The following PTDSS1 variants were observed in gnomAD, a reference collection of about 807,000 sequenced individuals.
The protein encoded by PTDSS1 is PSS-1.
PTDSS1 carries 45 observed loss-of-function variants against 70.5 expected under a neutral mutation model. The ratio of observed to expected loss-of-function variants is 0.64; its 90% confidence interval spans 0.50 to 0.82. The LOEUF is 0.82. Among genes scored for constraint, PTDSS1 ranks in the 40% least tolerant of loss-of-function variants. The probability of loss-of-function intolerance (pLI) is 0.00; values close to 1 mark genes in which losing one functional copy is unlikely to be tolerated. For synonymous variants in PTDSS1, 188 were observed against 203.8 expected (o/e 0.92, Z 0.66); for missense variants, 417 against 586.1 (o/e 0.71, Z 2.98).
rs201637402 is a variant in PTDSS1, at chr8:96,284,169, C to T, written c.316+16C>T. On this transcript the variant is annotated intron_variant, in intron 3 of 12. Coordinates refer to ENST00000517309, the MANE Select transcript of PTDSS1 (RefSeq NM_014754.3). ...ATGGTTTTTGGTGAGTTTATATTAG[C>T]AATGTAAAAGGATGTTCTATTTTTT... 7 of 1,589,520 alleles carry T rather than the reference C, an allele frequency of 4.4e-6. No homozygotes were observed. Among genetic ancestry groups the T allele is most frequent in the African/African-American group, 4.0e-5 (3 of 74,152 alleles).
chr8:96,280,186 G>T (rs1810714871), intron 2 of PTDSS1, among the ~76,000 whole-genome samples: 1 of 152,122 alleles, frequency 6.6e-6, no homozygotes, highest in African/African-American at 2.4e-5. Flanking sequence ...TTGGTTTCTA[G>T]TTCTTTTGAA....
At chr8:96,286,983 G>A in intron 3 of PTDSS1, 39 bp from the exon 4 acceptor site, 1 of 1,611,494 alleles carries the variant, frequency 6.2e-7, no homozygotes, top group African/African-American at 1.3e-5. Context: ...CTGACTATTG[G>A]ATCTCTTCTA....
Position 96,262,127 on chromosome 8 carries a change from G to C in PTDSS1, c.87G>C (p.Val29=), listed in dbSNP as rs758963158. The change falls in exon 1 of 13, where the codon GTG becomes GTC. Residue 29 remains valine, a synonymous_variant. Transcript: ENST00000517309. The surrounding 1 kb of genome is among the most constrained non-coding windows in gnomAD (Gnocchi z 4.4). ...MHFRMINEQQ[V]EDITIDFFYR... ...TCCGGATGATCAACGAGCAGCAAGT[G>C]GAGGACATCACCATTGACTTCTTCT... 2 of 1,613,956 alleles carry C rather than the reference G, an allele frequency of 1.2e-6. No homozygotes were observed. The highest frequency in any genetic ancestry group is 2.2e-5 in the South Asian group (2 of 91,082).
Position 96,286,351 on chromosome 8 carries a change from C to T in PTDSS1, c.317-671C>T, listed in dbSNP as rs570382615. Reference sequence around the variant, plus strand: ...GTTAACATTTCTTTTTAAAATGACACATAGTGATTATTAGGATAGCAATTA... The same window carrying T: ...GTTAACATTTCTTTTTAAAATGACATATAGTGATTATTAGGATAGCAATTA... On this transcript the variant is annotated intron_variant, in intron 3 of 12. Transcript: ENST00000517309. 2.0e-5 allele frequency among the ~76,000 whole-genome samples: 3 copies of T among 152,256 alleles called. No homozygotes were observed. The East Asian group carries it at 5.8e-4, about 29-fold the overall frequency.
chr8:96,297,530 A>G (rs1237415469), intron 5 of PTDSS1, among the ~76,000 whole-genome samples: 1 of 152,160 alleles, frequency 6.6e-6, no homozygotes, highest in Non-Finnish European at 1.5e-5. Context: ...ACGAGGCTCC[A>G]GGTTCACCGG....
chr8:96,333,431 C>T (rs1274496664), intron 12 of PTDSS1, 26 bp from the exon 13 acceptor site: 8 of 1,580,442 alleles, frequency 5.1e-6, no homozygotes, highest in Admixed American at 1.7e-5. Context: ...CCCAGGGTGA[C>T]GGTGTGCTCT....
intron 10 of PTDSS1, among the ~76,000 whole-genome samples, chr8:96,325,842 A>C (rs73698571): frequency 6.0e-4 from 92 of 152,340 alleles, no homozygotes; most frequent in African/African-American, 2.1e-3. Context: ...TGGGGATCAG[A>C]GTAGCATCTT....
In PTDSS1 at chr8:96,262,335, C is replaced by A; in HGVS notation, c.179+116C>A. 1 of 1,310,378 alleles carries A rather than the reference C, an allele frequency of 7.6e-7. No individual in the cohort carries two copies. The highest frequency in any genetic ancestry group is 1.0e-6 in the Non-Finnish European group (1 of 972,498). 81.2% of individuals were successfully genotyped at this position (1,310,378 alleles called of 1,614,324 possible). A position where few individuals can be genotyped will look rare whatever the true frequency, so the allele number is the denominator to read the frequency against. Reference sequence around the variant, plus strand: ...TGGGTGAGGAAGTGGGCTGGCTGCTCCACGCACACGCACTGGCAGCCCGCC... The same window carrying A: ...TGGGTGAGGAAGTGGGCTGGCTGCTACACGCACACGCACTGGCAGCCCGCC... On this transcript the variant is annotated intron_variant, in intron 1 of 12. Transcript: ENST00000517309. The surrounding 1 kb of genome is among the most constrained non-coding windows in gnomAD (Gnocchi z 4.4).
chr8:96,287,912 C>T (rs1287002866), intron 4 of PTDSS1, among the ~76,000 whole-genome samples: 1 of 152,144 alleles, frequency 6.6e-6, no homozygotes, highest in Non-Finnish European at 1.5e-5. Flanking sequence ...CTCTAACTTT[C>T]CTGACACCTG....
intron 4 of PTDSS1, among the ~76,000 whole-genome samples, chr8:96,289,756 A>G (rs920846063): frequency 4.6e-5 from 7 of 152,216 alleles, no homozygotes; most frequent in Non-Finnish European, 1.0e-4. Flanking sequence ...CCATGGTGAC[A>G]TTGGTCAAAT....
chr8:96,274,051 C>A (rs1339080175), intron 2 of PTDSS1, among the ~76,000 whole-genome samples: 1 of 152,116 alleles, frequency 6.6e-6, no homozygotes, highest in Non-Finnish European at 1.5e-5. Flanking sequence ...GTTTTCTTTT[C>A]TCTTATTCCC....
chr8:96,312,862 C>T (rs555132661), intron 9 of PTDSS1, among the ~76,000 whole-genome samples: 1 of 152,194 alleles, frequency 6.6e-6, no homozygotes, highest in Non-Finnish European at 1.5e-5. Context: ...CCAGCTCTAC[C>T]TCCCTGCCAT....
At chr8:96,332,271 G>T (rs62514610) in intron 12 of PTDSS1, among the ~76,000 whole-genome samples, 1 of 152,132 alleles carries the variant, frequency 6.6e-6, no homozygotes, top group Non-Finnish European at 1.5e-5. Flanking sequence ...GTAATTCCTC[G>T]TCAATCCTTA....
rs1214774007 is a variant in PTDSS1, at chr8:96,262,544, C to T, written c.179+325C>T. Reference sequence around the variant, plus strand: ...TCCACACAACATCACGACGCGGGCCCCTCCTCTGCACTGCTCCAGCCTTCG... The same window carrying T: ...TCCACACAACATCACGACGCGGGCCTCTCCTCTGCACTGCTCCAGCCTTCG... On this transcript the variant is annotated intron_variant, in intron 1 of 12. Coordinates refer to ENST00000517309, the MANE Select transcript of PTDSS1 (RefSeq NM_014754.3). This position sits in a 1 kb window ranked among gnomAD's most constrained non-coding sequence, Gnocchi z 4.4. Among the ~76,000 whole-genome samples the T allele has an allele frequency of 6.6e-6, 1 of 152,168 alleles. No individual in the cohort carries two copies. The highest frequency in any genetic ancestry group is 1.9e-4 in the East Asian group (1 of 5,190).
rs145464694 is a variant in PTDSS1 at position 96,316,733 on chromosome 8, C to G, written c.1074-3513C>G. On this transcript the variant is annotated intron_variant, in intron 9 of 12. Transcript: ENST00000517309. ...AACTGGCCAGGCGAAGTGGCTCACTCCTGTAATCCCAAGCACTTTGGGAGG... is the reference window on the plus strand; with the variant it reads ...AACTGGCCAGGCGAAGTGGCTCACTGCTGTAATCCCAAGCACTTTGGGAGG... 2.0e-4 allele frequency among the ~76,000 whole-genome samples: 31 copies of G among 152,294 alleles called. No homozygotes were observed. In the East Asian group the frequency reaches 4.2e-3, roughly 21 times the overall value.
intron 10 of PTDSS1, among the ~76,000 whole-genome samples, chr8:96,326,123 G>A (rs1811435217): frequency 6.6e-6 from 1 of 152,126 alleles, no homozygotes; most frequent in African/African-American, 2.4e-5. Context: ...CTTGTCTGCT[G>A]GTAGTTACCT....
In PTDSS1 at chr8:96,335,924, C is replaced by T. The variant is rs1014843409; in HGVS notation, c.*2358C>T. 9 of 152,208 alleles carry T rather than the reference C, an allele frequency of 5.9e-5. No individual in the cohort carries two copies. The highest frequency in any genetic ancestry group is 1.2e-4 in the Non-Finnish European group (8 of 68,042). The allele number at this position is 152,208 out of a possible 1,614,324, so 9.4% of individuals were successfully genotyped here. ...TCTCATGGTCCCTGTTTGCAAACCA[C>T]CCTCTTAAGAGAGAACATTGTTTTG... On this transcript the variant is annotated 3_prime_UTR_variant, in exon 13 of 13. Coordinates refer to ENST00000517309, the MANE Select transcript of PTDSS1 (RefSeq NM_014754.3).
chr8:96,331,689 C>T (rs1811518682), intron 12 of PTDSS1, among the ~76,000 whole-genome samples: 1 of 151,982 alleles, frequency 6.6e-6, no homozygotes, highest in South Asian at 2.1e-4. Flanking sequence ...TCGTGAGGGC[C>T]CCACACCATT....
In PTDSS1 at chr8:96,282,880, T is replaced by C. The variant is rs1310010866; in HGVS notation, c.272-1229T>C. On this transcript the variant is annotated intron_variant, in intron 2 of 12. Transcript: ENST00000517309. The stretch of plus-strand genomic sequence containing the variant: ...CATAGGCTTGCTTGGAAACCAACCA[T>C]AGTCTGAGCTTCCAGAAACAGGCAC... Among the ~76,000 whole-genome samples, 18 of 151,926 alleles carry C rather than the reference T, an allele frequency of 1.2e-4. 1 individual carries two copies. The highest frequency in any genetic ancestry group is 1.2e-3 in the Admixed American group (18 of 15,260).
Sources: gnomAD v4.1 joint callset for allele counts (sites outside exome capture counted in the v4.1 genomes callset) on GRCh38, gnomAD v4.1.1 for gene constraint, Gnocchi (gnomAD v3.1) non-coding constraint, MANE v1.5 for transcripts, NCBI Gene and HGNC (gene_info 2026-07-23, HGNC 2026-07-21) for gene names.